Variants in CDHR3 observed in about 807,000 individuals in gnomAD.
The protein encoded by CDHR3 is cadherin related family member 3.
CDHR3 carries 79 observed loss-of-function variants against 86.6 expected under a neutral mutation model. The observed-to-expected ratio is 0.91, with a 90% CI of 0.76 to 1.10. The LOEUF is 1.10. Among genes scored for constraint, CDHR3 ranks in the 50% least tolerant of loss-of-function variants. The pLI is 0.00. For synonymous variants in CDHR3, 421 were observed against 402.4 expected, an observed-to-expected ratio of 1.05 and a Z score of -0.55; for missense variants, 1,081 against 1,077.6, an observed-to-expected ratio of 1.00 and a Z score of -0.04.
chr7:105,972,951 CT>C (rs1436177985), intron 1 of CDHR3, among the ~76,000 whole-genome samples: 1 of 152,168 alleles, frequency 6.6e-6, no homozygotes, highest in Non-Finnish European at 1.5e-5. Context: ...ATTTTTTCCT[CT>C]TTTCCATTTA....
chr7:105,963,390 C>A (rs776515431), intron 1 of CDHR3, 26 bp downstream of exon 1: 4 of 1,611,170 alleles, frequency 2.5e-6, no homozygotes, highest in Non-Finnish European at 3.4e-6. Flanking sequence ...TGCTTTGGAA[C>A]CTTGCTTGCC....
intron 2 of CDHR3, among the ~76,000 whole-genome samples, chr7:105,976,982 CTTTTT>C (rs11334460): frequency 1.6e-5 from 2 of 128,442 alleles, no homozygotes; most frequent in Non-Finnish European, 3.2e-5. Context: ...TACCTGATCT[CTTTTT>C]TTTTTTTTTT....
At chr7:105,977,225 TA>T (rs1563233980) in intron 2 of CDHR3, among the ~76,000 whole-genome samples, 14 of 152,244 alleles carry the variant, frequency 9.2e-5, no homozygotes, top group Non-Finnish European at 1.9e-4. Flanking sequence ...TGAGATCACA[TA>T]GCCGTAAAAG....
At chr7:106,029,428 A>G (rs1017021882) in intron 17 of CDHR3, among the ~76,000 whole-genome samples, 3 of 152,110 alleles carry the variant, frequency 2.0e-5, no homozygotes, top group Admixed American at 2.0e-4. Context: ...TCACCTGTAA[A>G]ATGGGGGTGA....
chr7:106,025,562 C>T (rs1837228385), intron 15 of CDHR3, among the ~76,000 whole-genome samples: 1 of 152,094 alleles, frequency 6.6e-6, no homozygotes, highest in Non-Finnish European at 1.5e-5. Context: ...GCTCTATGCC[C>T]AAGTATCTTG....
chr7:106,014,660 T>C (rs1835306438), intron 9 of CDHR3, among the ~76,000 whole-genome samples: 1 of 152,170 alleles, frequency 6.6e-6, no homozygotes, highest in South Asian at 2.1e-4. Flanking sequence ...ACCAGTTATG[T>C]GAATATGGCT....
At chr7:106,032,025 G>C (rs1838449020) in intron 18 of CDHR3, among the ~76,000 whole-genome samples, 1 of 152,176 alleles carries the variant, frequency 6.6e-6, no homozygotes, top group African/African-American at 2.4e-5. Context: ...CAAACAAAAT[G>C]AATCAGAAAG....
intron 18 of CDHR3, among the ~76,000 whole-genome samples, chr7:106,031,919 A>G (rs1456481644): frequency 1.3e-5 from 2 of 152,204 alleles, no homozygotes. Context: ...ATCTGTGTCT[A>G]CAAATTGCTG....
At chr7:106,031,728 ATCTTCCAGAGCAAAAGGC>A (rs1054391807) in intron 18 of CDHR3, among the ~76,000 whole-genome samples, 15 of 152,210 alleles carry the variant, frequency 9.9e-5, no homozygotes, top group African/African-American at 3.4e-4. Context: ...CTTAAACCTG[ATCTTCCAGAGCAAAAGGC>A]TCTTCCAGAG....
intron 9 of CDHR3, among the ~76,000 whole-genome samples, chr7:106,013,590 C>CTGCT (rs879500240): frequency 1.2e-4 from 18 of 152,156 alleles, no homozygotes; most frequent in Non-Finnish European, 2.1e-4. Context: ...TACAGAGCTA[C>CTGCT]TGCTGGAAGG....
At chr7:105,967,652 T>C (rs1827188169) in intron 1 of CDHR3, among the ~76,000 whole-genome samples, 2 of 152,212 alleles carry the variant, frequency 1.3e-5, no homozygotes, top group Non-Finnish European at 1.5e-5. Flanking sequence ...CCATTCTAAC[T>C]GGTGTAAGAT....
In CDHR3 at chr7:106,030,872, C is replaced by CT; in HGVS notation, c.2353+37dup. The CT allele has an allele frequency of 6.3e-7, 1 of 1,581,558 alleles. No homozygotes were observed. ...AAGTGGCAATACCACTGTAAGAATG[C>CT]TTTTTATATTCCAGACTGGTAGAAG... On this transcript the variant is annotated intron_variant, in intron 18 of 18. Coordinates refer to ENST00000317716, the MANE Select transcript of CDHR3 (RefSeq NM_152750.5). The surrounding 1 kb of genome is among the most constrained non-coding windows in gnomAD (Gnocchi z 4.8).
chr7:106,027,900 G>A (rs759777382), intron 16 of CDHR3, among the ~76,000 whole-genome samples: 1 of 152,058 alleles, frequency 6.6e-6, no homozygotes, highest in Non-Finnish European at 1.5e-5. Flanking sequence ...CAAGGCTAGA[G>A]GATCACTTGA....
At chr7:106,001,763 T>C (rs1487513423) in intron 7 of CDHR3, among the ~76,000 whole-genome samples, 153 bp downstream of exon 7, 2 of 152,236 alleles carry the variant, frequency 1.3e-5, no homozygotes, top group Admixed American at 1.3e-4. Context: ...TTCTATAAAA[T>C]GGCTTAGTAT....
intron 12 of CDHR3, among the ~76,000 whole-genome samples, chr7:106,019,965 A>G (rs926414831): frequency 2.0e-5 from 3 of 152,012 alleles, no homozygotes; most frequent in African/African-American, 7.3e-5. Flanking sequence ...ACATGGAGAC[A>G]CCGTAAATCC....
rs1832212786 is a variant in CDHR3, at chr7:105,996,341, C to T, written c.700C>T (p.Pro234Ser). The T allele has an allele frequency of 1.6e-5, 25 of 1,591,002 alleles. No homozygotes were observed. Among genetic ancestry groups the T allele is most frequent in the Non-Finnish European group, 2.0e-5 (23 of 1,162,660 alleles). Residue 234 changes from proline (P) to serine (S), a missense_variant, in exon 6 of 19, where the codon CCT (proline) becomes TCT (serine). By Grantham distance (74) the Pro-to-Ser change is moderately conservative. Transcript: ENST00000317716. ...CATCGTGAACCTCAACGACGAAGTC[C>T]CTCGCTTTACCAGGTAGGCCTGAGG... ...VNIVNLNDEV[P>S]RFTSPTRVYT... is the part of the protein sequence containing the mutation.
In CDHR3 at chr7:106,012,787, C is replaced by T. The variant is rs368543237; in HGVS notation, c.1053-73C>T. 6.7e-6 allele frequency: 10 copies of T among 1,484,232 alleles called. No homozygotes were observed. The South Asian group carries it at 6.8e-5, about 10-fold the overall frequency. The allele number at this position is 1,484,232 out of a possible 1,614,324, so 91.9% of individuals were successfully genotyped here. A position where few individuals can be genotyped will look rare whatever the true frequency, so the allele number is the denominator to read the frequency against. On this transcript the variant is annotated intron_variant, in intron 8 of 18. Transcript: ENST00000317716. ...TGCAGTTAAAGTAGAGGTGTCTAGC[C>T]CAGGGCCCATGTGAGAAGGAACAGT...
At chr7:106,026,733 T>C (rs776866874) in intron 16 of CDHR3, 38 bp downstream of exon 16, 2 of 1,611,602 alleles carry the variant, frequency 1.2e-6, no homozygotes, top group African/African-American at 2.7e-5. Context: ...TGTTGTTTTT[T>C]GCTTGCTCTG....
chr7:105,965,848 T>C (rs1826839047), intron 1 of CDHR3, among the ~76,000 whole-genome samples: 1 of 152,360 alleles, frequency 6.6e-6, no homozygotes, highest in African/African-American at 2.4e-5. Context: ...ATATAGAGGA[T>C]ATCCAATACA....
Sources: gnomAD v4.1 joint callset for allele counts (sites outside exome capture counted in the v4.1 genomes callset) on GRCh38, gnomAD v4.1.1 for gene constraint, Gnocchi (gnomAD v3.1) non-coding constraint, MANE v1.5 for transcripts, NCBI Gene and HGNC (gene_info 2026-07-23, HGNC 2026-07-21) for gene names.